ANO1: variants seen among roughly 807,000 people sequenced by gnomAD.
ANO1 encodes anoctamin 1.
In ANO1, 59 loss-of-function variants were observed where a neutral mutation model predicts 124.0. The ratio of observed to expected loss-of-function variants is 0.48; its 90% CI spans 0.39 to 0.59. The LOEUF is 0.59. Ranked by LOEUF, ANO1 falls within the 20% of genes least tolerant of loss-of-function variation. The pLI, the probability that ANO1 is intolerant of heterozygous loss-of-function variation, is 0.00. For missense variants in ANO1, 1,059 were observed against 1,328.0 expected (o/e 0.80, Z 3.15); for synonymous variants, 529 against 532.0 (o/e 0.99, Z 0.08).
chr11:70,009,304 G>A (rs966075569), intron 1 of ANO1, among the ~76,000 whole-genome samples: 11 of 152,104 alleles, frequency 7.2e-5, no homozygotes, highest in South Asian at 4.2e-4. Context: ...TCTCTTTCTC[G>A]GGGAGGGAGG....
At position 70,187,781 on chromosome 11, in the gene ANO1, C is replaced by T. The variant is rs771857227; in HGVS notation, c.2738C>T (p.Pro913Leu). 6.2e-6 allele frequency: 10 copies of T among 1,609,478 alleles called. No individual in the cohort carries two copies. Among genetic ancestry groups the T allele is most frequent in the South Asian group, 4.5e-5 (4 of 89,650 alleles). ...AGCGACTTTGTGGACTGGGTCATCC[C>T]GGACATCCCCAAGGACATCAGCCAG... ...FMSDFVDWVI[P>L]DIPKDISQQI... The change falls in exon 26 of 26, where the codon CCG (proline) becomes CTG (leucine). Residue 913 changes from proline to leucine, a missense_variant. By Grantham distance (98) the Pro-to-Leu change is moderately conservative. Coordinates refer to ENST00000355303, the MANE Select transcript of ANO1 (RefSeq NM_018043.7).
chr11:70,170,052 AG>A, intron 21 of ANO1: 1 of 416,148 alleles, frequency 2.4e-6, no homozygotes, highest in Non-Finnish European at 4.8e-6. Context: ...GATGATCCCC[AG>A]GGGGAGGGCC....
At chr11:70,163,770 C>G (rs1166191879) in intron 19 of ANO1, among the ~76,000 whole-genome samples, 2 of 151,944 alleles carry the variant, frequency 1.3e-5, no homozygotes, top group African/African-American at 2.4e-5. Flanking sequence ...AACCCCATCT[C>G]TACTAAAAAC....
chr11:70,039,546 T>G (rs1196977862), intron 1 of ANO1, among the ~76,000 whole-genome samples: 2 of 149,228 alleles, frequency 1.3e-5, no homozygotes, highest in African/African-American at 5.0e-5. Flanking sequence ...ATCTTCCCCC[T>G]TTTCTAGTCC....
rs10589426 is a variant in ANO1, at chr11:70,145,943, C to CA, written c.1259-3745dup. On this transcript the variant is annotated intron_variant, in intron 11 of 25. Coordinates refer to ENST00000355303, the MANE Select transcript of ANO1 (RefSeq NM_018043.7). ...CGGAGAGAGACTCCTTCTCAAAAAA[C>CA]AAAAAAAAAAAAAAAAAAAAAAGAA... Among the ~76,000 whole-genome samples, 553 of 108,630 alleles carry CA rather than the reference C, an allele frequency of 5.1e-3. 1 individual carries two copies. Among genetic ancestry groups the CA allele is most frequent in the African/African-American group, 7.7e-3 (222 of 28,796 alleles). 71.3% of individuals were successfully genotyped at this position (108,630 alleles called of 152,430 possible).
chr11:70,076,223 A>G (rs1555009986), upstream of ANO1, among the ~76,000 whole-genome samples: 1 of 152,250 alleles, frequency 6.6e-6, no homozygotes. Flanking sequence ...GCCTGGCTAC[A>G]GTATAAATCA....
intron 6 of ANO1, 53 bp from the exon 7 acceptor site, chr11:70,111,654 G>A: frequency 7.6e-6 from 12 of 1,576,626 alleles, no homozygotes; most frequent in Non-Finnish European, 1.0e-5. Context: ...CTTTACAATG[G>A]GAAGCGGGAG....
intron 8 of ANO1, among the ~76,000 whole-genome samples, chr11:70,123,348 C>T (rs775254917): frequency 5.9e-5 from 9 of 152,200 alleles, no homozygotes; most frequent in Non-Finnish European, 1.0e-4. Context: ...CACTGTTTCC[C>T]CTCCCTGTTT....
chr11:70,168,635 G>A (rs978196311), intron 21 of ANO1, among the ~76,000 whole-genome samples: 4 of 150,096 alleles, frequency 2.7e-5, no homozygotes, highest in African/African-American at 1.0e-4. Context: ...TCCTGCAGAG[G>A]GGGGGTCCCA....
intron 2 of ANO1, among the ~76,000 whole-genome samples, chr11:70,095,063 G>A (rs140339261): frequency 0.021 from 3,169 of 151,950 alleles, 111 homozygotes; most frequent in African/African-American, 0.072. Context: ...AAAATTAGCC[G>A]GGCGTGGTGG....
At chr11:70,084,707 T>C (rs1293930614) in intron 1 of ANO1, among the ~76,000 whole-genome samples, 1 of 152,162 alleles carries the variant, frequency 6.6e-6, no homozygotes, top group African/African-American at 2.4e-5. Context: ...TGTGGCCTGG[T>C]GTTGCCCAAA....
At chr11:70,014,036 C>T (rs1200019025) in intron 1 of ANO1, among the ~76,000 whole-genome samples, 4 of 151,926 alleles carry the variant, frequency 2.6e-5, no homozygotes, top group African/African-American at 9.7e-5. Flanking sequence ...GGTGTCTCTT[C>T]CTCTTCTTAT....
chr11:70,159,422 G>A (rs903005961), intron 16 of ANO1, among the ~76,000 whole-genome samples: 1 of 152,230 alleles, frequency 6.6e-6, no homozygotes, highest in Non-Finnish European at 1.5e-5. Flanking sequence ...AGGAAAGACA[G>A]AGGATATTGG....
At chr11:70,043,337 T>C (rs1555005263) in intron 1 of ANO1, among the ~76,000 whole-genome samples, 2 of 152,292 alleles carry the variant, frequency 1.3e-5, no homozygotes, top group Admixed American at 1.3e-4. Flanking sequence ...ACCATAGATT[T>C]GTGGAACAAT....
intron 8 of ANO1, 194 bp downstream of exon 8, chr11:70,116,693 T>C: frequency 1.8e-6 from 1 of 567,762 alleles, no homozygotes; most frequent in Non-Finnish European, 3.1e-6. Flanking sequence ...GTGTGGCTGG[T>C]TTGTTTTCCT....
intron 22 of ANO1, among the ~76,000 whole-genome samples, chr11:70,176,099 T>C (rs779867130): frequency 6.6e-6 from 1 of 151,774 alleles, no homozygotes; most frequent in Non-Finnish European, 1.5e-5. Context: ...TACATTGGTT[T>C]GGTCCAGAAA....
chr11:70,180,375 C>G, intron 23 of ANO1, among the ~76,000 whole-genome samples: 1 of 152,124 alleles, frequency 6.6e-6, no homozygotes, highest in African/African-American at 2.4e-5. Flanking sequence ...CAGGTTCAAG[C>G]TATTCTCGTG....
At chr11:70,088,395 C>T (rs544563010) in intron 2 of ANO1, among the ~76,000 whole-genome samples, 1 of 151,618 alleles carries the variant, frequency 6.6e-6, no homozygotes, top group African/African-American at 2.4e-5. Flanking sequence ...CTGTGGCCCC[C>T]CTACTCGGGA....
chr11:70,140,515 G>A (rs984206206), intron 11 of ANO1, among the ~76,000 whole-genome samples: 4 of 151,450 alleles, frequency 2.6e-5, no homozygotes, highest in African/African-American at 9.7e-5. Context: ...TGGGTGACAA[G>A]AGCAAGACTC....
Sources: allele counts gnomAD v4.1 joint callset (sites outside exome capture counted in the v4.1 genomes callset), GRCh38; gene constraint gnomAD v4.1.1; transcripts MANE v1.5; gene names NCBI Gene and HGNC (gene_info 2026-07-23, HGNC 2026-07-21).